FGF17: variants seen among roughly 807,000 people sequenced by gnomAD.
FGF17 encodes the protein fibroblast growth factor 17.
A neutral mutation model predicts 23.5 loss-of-function variants in FGF17; 5 were observed. The observed-to-expected ratio is 0.21, with a 90% CI of 0.11 to 0.45. FGF17 has a LOEUF of 0.45. Among genes scored for constraint, FGF17 ranks in the 20% least tolerant of loss-of-function variants. The probability of loss-of-function intolerance (pLI) is 0.99; values close to 1 mark genes in which losing one functional copy is unlikely to be tolerated. For synonymous variants in FGF17, 136 were observed against 123.0 expected (o/e 1.11, Z -0.70); for missense variants, 221 against 306.9 (o/e 0.72, Z 2.09).
intron 1 of FGF17, 76 bp from the exon 2 acceptor site, chr8:22,043,069 C>T (rs3176270): frequency 1.7e-4 from 272 of 1,587,376 alleles, no homozygotes; most frequent in South Asian, 2.8e-4. Flanking sequence ...GCTGGCAGGG[C>T]GGGGGCGGGG....
chr8:22,047,257 A>G (rs1488937506), intron 4 of FGF17, among the ~76,000 whole-genome samples: 1 of 152,058 alleles, frequency 6.6e-6, no homozygotes, highest in Non-Finnish European at 1.5e-5. Context: ...AGAGCTGTTG[A>G]GGGTGGAAAG....
At chr8:22,047,894 G>A (rs1023807517) in intron 4 of FGF17, 62 bp from the exon 5 acceptor site, 131 of 1,527,052 alleles carry the variant, frequency 8.6e-5, no homozygotes, top group Non-Finnish European at 1.0e-4. Context: ...TAGGCCGTAA[G>A]GGCGACACCC....
intron 2 of FGF17, chr8:22,044,715 G>A: frequency 2.0e-6 from 2 of 985,606 alleles, no homozygotes; most frequent in Non-Finnish European, 2.4e-6. Flanking sequence ...CTAGGCAGAG[G>A]CTGCTCTATG....
In FGF17 at chr8:22,046,114, G is replaced by A; in HGVS notation, c.73G>A (p.Gly25Arg). 6.2e-7 allele frequency: 1 copy of A among 1,614,152 alleles called. No individual in the cohort carries two copies. The highest frequency in any genetic ancestry group is 2.2e-5 in the East Asian group (1 of 44,880). ...QLLILCCQTQGENHPSPNFNQ... is the reference protein window; with the variant it reads ...QLLILCCQTQRENHPSPNFNQ... ...TATTTTTCCCTTGGTAACCGCAAAGGGGGAGAATCACCCGTCTCCTAATTT... is the reference window on the plus strand; with the variant it reads ...TATTTTTCCCTTGGTAACCGCAAAGAGGGAGAATCACCCGTCTCCTAATTT... Residue 25 changes from glycine to arginine, a missense_variant and splice_region_variant, in exon 3 of 5, where the codon GGG becomes AGG. Physicochemically the swap from Gly to Arg is moderately radical, Grantham distance 125. This residue lies in a region of FGF17 where 35 missense variants were observed against 35.5 expected (regional missense o/e 0.99). Transcript: ENST00000359441.
chr8:22,042,195 G>A (rs990227678), upstream of FGF17, among the ~76,000 whole-genome samples: 1 of 152,152 alleles, frequency 6.6e-6, no homozygotes, highest in Non-Finnish European at 1.5e-5. Flanking sequence ...CTCTCCATTG[G>A]GATTCTTCCT....
chr8:22,046,412 T>A, intron 3 of FGF17, 115 bp from the exon 4 acceptor site: 1 of 1,430,482 alleles, frequency 7.0e-7, no homozygotes, highest in Non-Finnish European at 9.6e-7. Context: ...AGGGCCTGAG[T>A]GTCCCCAACC....
At position 22,046,585 on chromosome 8, in the gene FGF17, G is replaced by C; in HGVS notation, c.309G>C (p.Glu103Asp). The change falls in exon 4 of 5, where the codon GAG becomes GAC. Residue 103 changes from glutamate (E) to aspartate (D), a missense_variant. Glu to Asp is a conservative substitution (Grantham distance 45). Coordinates refer to ENST00000359441, the MANE Select transcript of FGF17 (RefSeq NM_003867.4). ...FGSRVRIKGA[E>D]SEKYICMNKR... is the part of the protein sequence containing the mutation. ...GCCGGGTTCGCATCAAAGGGGCTGAGAGTGAGAAGTACATCTGTATGAACA... is the reference window on the plus strand; with the variant it reads ...GCCGGGTTCGCATCAAAGGGGCTGACAGTGAGAAGTACATCTGTATGAACA... 2 of 1,614,066 alleles carry C rather than the reference G, an allele frequency of 1.2e-6. No homozygotes were observed. Among genetic ancestry groups the C allele is most frequent in the Non-Finnish European group, 1.7e-6 (2 of 1,179,994 alleles).
chr8:22,047,481 T>C (rs192365013), intron 4 of FGF17, among the ~76,000 whole-genome samples: 29 of 152,352 alleles, frequency 1.9e-4, no homozygotes, highest in African/African-American at 7.0e-4. Context: ...TGCTTATCTT[T>C]GTCAAGCCTC....
chr8:22,046,272 C>G lies in FGF17; in HGVS notation c.231C>G (p.Ala77=). Residue 77 remains alanine (A), a synonymous_variant, in exon 3 of 5, where the codon GCC becomes GCG. Transcript: ENST00000359441. The part of the protein sequence containing the change: ...QVTGRRISAT[A]EDGNKFAKLI... ...CCGGGCGTCGCATCTCCGCCACCGC[C>G]GAGGACGGCAACAAGTTTGGTGAGA... 4.3e-6 allele frequency: 7 copies of G among 1,613,596 alleles called. No homozygotes were observed. Among genetic ancestry groups the G allele is most frequent in the Non-Finnish European group, 5.9e-6 (7 of 1,179,854 alleles).
In FGF17 at chr8:22,047,875, C is replaced by T. The variant is rs145112927; in HGVS notation, c.358-81C>T. ...GTTGTTCCCGTTGTCCCTCCTCAGT[C>T]GTCCAAAATAGGCCGTAAGGGCGAC... On this transcript the variant is annotated intron_variant, in intron 4 of 4. Transcript: ENST00000359441. 1.7e-3 allele frequency: 2,411 copies of T among 1,408,788 alleles called. 13 individuals carry two copies. In the Middle Eastern group the frequency reaches 0.042, roughly 25 times the overall value. 87.3% of individuals were successfully genotyped at this position (1,408,788 alleles called of 1,614,324 possible).
chr8:22,047,406 C>A (rs1328132336), intron 4 of FGF17, among the ~76,000 whole-genome samples: 4 of 152,212 alleles, frequency 2.6e-5, no homozygotes, highest in Non-Finnish European at 4.4e-5. Flanking sequence ...GAGAATTCCA[C>A]TTCGTTTGAA....
chr8:22,048,044 G>C lies in FGF17; in HGVS notation c.446G>C (p.Trp149Ser). ...TTCCAGAACGCCCGGCACGAGGGCT[G>C]GTTCATGGCCTTCACGCGGCAGGGG... is the stretch of plus-strand genomic sequence containing the variant. ...TAFQNARHEG[W>S]FMAFTRQGRP... is the part of the protein sequence containing the mutation. The change falls in exon 5 of 5, where the codon TGG (tryptophan) becomes TCG (serine). Residue 149 changes from tryptophan to serine, a missense_variant. Trp to Ser is a radical substitution (Grantham distance 177, BLOSUM62 -3). Coordinates refer to ENST00000359441, the MANE Select transcript of FGF17 (RefSeq NM_003867.4). This position sits in a 1 kb window ranked among gnomAD's most constrained non-coding sequence, Gnocchi z 6.9. 6.2e-7 allele frequency: 1 copy of C among 1,613,286 alleles called. No individual in the cohort carries two copies. The highest frequency in any genetic ancestry group is 8.5e-7 in the Non-Finnish European group (1 of 1,179,734).
intron 4 of FGF17, among the ~76,000 whole-genome samples, chr8:22,047,660 T>C (rs1800953600): frequency 1.3e-5 from 2 of 152,220 alleles, no homozygotes; most frequent in South Asian, 2.1e-4. Flanking sequence ...TAAGGGCCCG[T>C]GCATGCTGGG....
At chr8:22,043,669 A>G (rs1800785674) in intron 2 of FGF17, among the ~76,000 whole-genome samples, 1 of 152,062 alleles carries the variant, frequency 6.6e-6, no homozygotes, top group South Asian at 2.1e-4. Flanking sequence ...CCTCACCTAG[A>G]GGGCACAGAG....
upstream of FGF17, among the ~76,000 whole-genome samples, chr8:22,040,386 T>C (rs1156995805): frequency 1.3e-5 from 2 of 152,192 alleles, no homozygotes; most frequent in African/African-American, 4.8e-5. Flanking sequence ...GCCTCCCCAC[T>C]TGGGGCCCAC....
intron 2 of FGF17, chr8:22,045,535 A>C: frequency 1.0e-6 from 1 of 993,216 alleles, no homozygotes; most frequent in Middle Eastern, 5.2e-4. Context: ...TGCTTCAAAG[A>C]AATGCTCATG....
At position 22,048,146 on chromosome 8, in the gene FGF17, T is replaced by C; in HGVS notation, c.548T>C (p.Leu183Pro). The C allele has an allele frequency of 6.2e-7, 1 of 1,613,414 alleles. No homozygotes were observed. The highest frequency in any genetic ancestry group is 8.5e-7 in the Non-Finnish European group (1 of 1,179,848). Residue 183 changes from leucine to proline, a missense_variant, in exon 5 of 5, where the codon CTG (leucine) becomes CCG (proline). Around this residue, in one of 3 missense-constraint regions of FGF17, gnomAD observed 128 missense variants for 150.4 expected, o/e 0.85. Transcript: ENST00000359441. This position sits in a 1 kb window ranked among gnomAD's most constrained non-coding sequence, Gnocchi z 6.9. ...HFIKRLYQGQ[L>P]PFPNHAEKQK... ...ATCAAGCGCCTCTACCAAGGCCAGC[T>C]GCCCTTCCCCAACCACGCCGAGAAG...
chr8:22,043,068 G>T, intron 1 of FGF17, 77 bp from the exon 2 acceptor site: 1 of 1,600,230 alleles, frequency 6.2e-7, no homozygotes, highest in South Asian at 1.1e-5. Flanking sequence ...GGCTGGCAGG[G>T]CGGGGGCGGG....
chr8:22,041,718 A>C (rs906902729), upstream of FGF17, among the ~76,000 whole-genome samples: 1 of 152,242 alleles, frequency 6.6e-6, no homozygotes, highest in Non-Finnish European at 1.5e-5. Flanking sequence ...GAACAGAAGA[A>C]GCATGGACTT....
Sources: gnomAD v4.1 joint callset for allele counts (sites outside exome capture counted in the v4.1 genomes callset) on GRCh38, gnomAD v4.1.1 for gene constraint, gnomAD v4.1.1 regional missense constraint, Gnocchi (gnomAD v3.1) non-coding constraint, MANE v1.5 for transcripts, NCBI Gene and HGNC (gene_info 2026-07-23, HGNC 2026-07-21) for gene names.